Variants in SERPINF1 observed in about 807,000 individuals in gnomAD.
SERPINF1 encodes the protein serpin family F member 1.
In SERPINF1, 29 loss-of-function variants were observed where a neutral mutation model predicts 37.3. That is an observed-to-expected ratio of 0.78 (90% CI 0.58 to 1.06). The LOEUF (loss-of-function observed/expected upper bound fraction) is 1.06. SERPINF1 is among the 50% of genes least tolerant of loss of function. SERPINF1 has a pLI of 0.00. For missense variants in SERPINF1, 553 were observed against 532.2 expected (o/e 1.04, Z -0.38); for synonymous variants, 281 against 227.9 (o/e 1.23, Z -2.10).
At chr17:1,762,914 G>A (rs72822441) in intron 1 of SERPINF1, 6,872 of 152,328 alleles carry the variant, frequency 0.045, 221 homozygotes, top group Non-Finnish European at 0.07. Context: ...CAGAAACCCC[G>A]CCCCTGTCCA....
intron 4 of SERPINF1, among the ~76,000 whole-genome samples, chr17:1,771,528 G>A (rs1025690684): frequency 6.6e-6 from 1 of 152,038 alleles, no homozygotes. Flanking sequence ...GTGAGCCACC[G>A]CGCTCGGCCC....
chr17:1,776,914 CAG>C (rs1407397164), intron 7 of SERPINF1, among the ~76,000 whole-genome samples, 172 bp downstream of exon 7: 1 of 151,494 alleles, frequency 6.6e-6, no homozygotes, highest in Non-Finnish European at 1.5e-5. Flanking sequence ...CTTCTCTCAT[CAG>C]ACTCATTCCT....
intron 1 of SERPINF1, chr17:1,766,226 G>A (rs748169553): frequency 2.0e-5 from 3 of 152,352 alleles, no homozygotes; most frequent in Non-Finnish European, 4.4e-5. Context: ...AAGCCCTGCT[G>A]GGGCTGGGGC....
At chr17:1,772,133 A>G in intron 5 of SERPINF1, 58 bp downstream of exon 5, 1 of 1,533,924 alleles carries the variant, frequency 6.5e-7, no homozygotes, top group Non-Finnish European at 8.9e-7. Context: ...TAATTAATTA[A>G]TTCGATGGAG....
In SERPINF1 at chr17:1,775,098, C is replaced by G. The variant is rs778204797; in HGVS notation, c.684C>G (p.Leu228=). Residue 228 remains leucine, a synonymous_variant, in exon 6 of 8, where the codon CTC becomes CTG. Coordinates refer to ENST00000254722, the MANE Select transcript of SERPINF1 (RefSeq NM_002615.7). The stretch of plus-strand genomic sequence containing the variant: ...AGTTTGACTCCAGAAAGACTTCCCT[C>G]GAGGATTTCTACTTGGATGAAGAGA... The part of the protein sequence containing the change: ...VTKFDSRKTS[L]EDFYLDEERT... The G allele has an allele frequency of 1.1e-5, 17 of 1,614,046 alleles. No individual in the cohort carries two copies. Among genetic ancestry groups the G allele is most frequent in the Non-Finnish European group, 1.4e-5 (17 of 1,180,012 alleles).
intron 6 of SERPINF1, 26 bp downstream of exon 6, chr17:1,775,226 G>C (rs765674241): frequency 2.2e-5 from 35 of 1,606,608 alleles, no homozygotes; most frequent in Non-Finnish European, 3.0e-5. Context: ...GGCAGGGTGG[G>C]GGGTGGATGG....
At chr17:1,776,777 G>A (rs1240281208) in intron 7 of SERPINF1, 35 bp downstream of exon 7, 2 of 1,601,758 alleles carry the variant, frequency 1.2e-6, no homozygotes, top group African/African-American at 2.7e-5. Flanking sequence ...TTGGTGGGTG[G>A]ATGGGGTGGG....
At chr17:1,765,868 CA>C (rs531558071) in intron 1 of SERPINF1, among the ~76,000 whole-genome samples, 2,002 of 112,774 alleles carry the variant, frequency 0.018, 44 homozygotes, top group African/African-American at 0.051. Flanking sequence ...TCTTGTCTCC[CA>C]AAAAAAAAAA....
At chr17:1,770,936 A>C in intron 3 of SERPINF1, 93 bp from the exon 4 acceptor site, 1 of 1,532,658 alleles carries the variant, frequency 6.5e-7, no homozygotes, top group Non-Finnish European at 9.0e-7. Context: ...TCAGCAGACA[A>C]AAAAGATGAG....
intron 5 of SERPINF1, among the ~76,000 whole-genome samples, chr17:1,774,830 G>A (rs1056165924): frequency 3.3e-5 from 5 of 152,114 alleles, no homozygotes; most frequent in Admixed American, 1.3e-4. Context: ...CCAAATCAAC[G>A]TCTTGCCATC....
Position 1,766,904 on chromosome 17 carries a change from C to T in SERPINF1, c.-7C>T. 1 of 1,556,036 alleles carries T rather than the reference C, an allele frequency of 6.4e-7. No individual in the cohort carries two copies. The highest frequency in any genetic ancestry group is 8.7e-7 in the Non-Finnish European group (1 of 1,149,648). ...TGCTGCCTCGTTCTTTTCTTGCAGG[C>T]CCCAGGATGCAGGCCCTGGTGCTAC... On this transcript the variant is annotated splice_region_variant and 5_prime_UTR_variant, in exon 2 of 8. Transcript: ENST00000254722.
chr17:1,765,819 GA>G (rs1349818541), intron 1 of SERPINF1, among the ~76,000 whole-genome samples: 1 of 140,986 alleles, frequency 7.1e-6, no homozygotes, highest in East Asian at 2.1e-4. Flanking sequence ...GTTGTGTAGT[GA>G]ATAGCCACTA....
At chr17:1,763,637 C>T (rs1365133308) in intron 1 of SERPINF1, among the ~76,000 whole-genome samples, 1 of 152,240 alleles carries the variant, frequency 6.6e-6, no homozygotes, top group East Asian at 1.9e-4. Context: ...AATCATCTCT[C>T]CTCTTCCCTT....
At chr17:1,776,924 C>T (rs1244362356) in intron 7 of SERPINF1, among the ~76,000 whole-genome samples, 182 bp downstream of exon 7, 5 of 151,362 alleles carry the variant, frequency 3.3e-5, no homozygotes, top group African/African-American at 1.2e-4. Flanking sequence ...CAGACTCATT[C>T]CTCAGCCTCA....
chr17:1,766,678 T>C (rs1397642305), intron 1 of SERPINF1: 1 of 556,052 alleles, frequency 1.8e-6, no homozygotes. Flanking sequence ...CTGTGGGCCC[T>C]GAGGCAGGGG....
rs760485079 is a variant in SERPINF1 at position 1,772,031 on chromosome 17, C to T, written c.599C>T (p.Pro200Leu). The T allele has an allele frequency of 6.2e-7, 1 of 1,613,910 alleles. No homozygotes were observed. The highest frequency in any genetic ancestry group is 8.5e-7 in the Non-Finnish European group (1 of 1,179,990). ...CTCGCCAGGTCCACAAAGGAAATTC[C>T]CGATGAGATCAGCATTCTCCTTCTC... is the stretch of plus-strand genomic sequence containing the variant. ...GKLARSTKEI[P>L]DEISILLLGV... The change falls in exon 5 of 8, where the codon CCC becomes CTC. Residue 200 changes from proline (P) to leucine (L), a missense_variant. By Grantham distance (98) the Pro-to-Leu change is moderately conservative (BLOSUM62 -3). Transcript: ENST00000254722.
At chr17:1,767,151 A>G (rs1330358027) in intron 2 of SERPINF1, among the ~76,000 whole-genome samples, 157 bp downstream of exon 2, 4 of 152,176 alleles carry the variant, frequency 2.6e-5, no homozygotes, top group African/African-American at 9.7e-5. Context: ...AAACAGAGAG[A>G]AAATGTCTTG....
chr17:1,763,586 G>C (rs749780700), intron 1 of SERPINF1, among the ~76,000 whole-genome samples: 1 of 152,240 alleles, frequency 6.6e-6, no homozygotes, highest in African/African-American at 2.4e-5. Context: ...CGTCCATGCA[G>C]ACCCCCACGC....
At chr17:1,764,884 C>G (rs1182521993) in intron 1 of SERPINF1, among the ~76,000 whole-genome samples, 1 of 141,326 alleles carries the variant, frequency 7.1e-6, no homozygotes, top group Non-Finnish European at 1.5e-5. Context: ...TGCTCTGTTG[C>G]CCAGCCTGGA....
Sources: gnomAD v4.1 joint callset for allele counts (sites outside exome capture counted in the v4.1 genomes callset) on GRCh38, gnomAD v4.1.1 for gene constraint, MANE v1.5 for transcripts, NCBI Gene and HGNC (gene_info 2026-07-23, HGNC 2026-07-21) for gene names.